Variants in SLC2A3 observed in about 807,000 individuals in gnomAD.
SLC2A3 encodes the protein solute carrier family 2, facilitated glucose transporter member 3.
In SLC2A3, 21 loss-of-function variants were observed where a neutral mutation model predicts 46.4. The ratio of observed to expected loss-of-function variants is 0.45; its 90% CI spans 0.32 to 0.65. The LOEUF (loss-of-function observed/expected upper bound fraction) is 0.65, where lower values mean the gene tolerates loss of function less well. SLC2A3 is among the 30% of genes least tolerant of loss of function. SLC2A3 has a pLI of 0.04. For missense variants in SLC2A3, 499 were observed against 623.3 expected (o/e 0.80, Z 2.12); for synonymous variants, 213 against 239.4 (o/e 0.89, Z 1.02).
chr12:7,928,146 T>G (rs1265221232), intron 6 of SLC2A3, among the ~76,000 whole-genome samples: 1 of 150,982 alleles, frequency 6.6e-6, no homozygotes, highest in Non-Finnish European at 1.5e-5. Flanking sequence ...ACGCCTATAA[T>G]CCCAGCATTT....
Position 7,919,729 on chromosome 12 carries a change from A to C in SLC2A3, c.*1684T>G, listed in dbSNP as rs113786758. 0.029 allele frequency: 4,473 copies of C among 152,296 alleles called. 218 individuals are homozygous for C. Among genetic ancestry groups the C allele is most frequent in the African/African-American group, 0.1 (4,161 of 41,500 alleles). The allele number at this position is 152,296 out of a possible 1,614,324, so 9.4% of individuals were successfully genotyped here. Reference sequence around the variant, plus strand: ...TCCGGCCTCAGCTACGTGCATTTTTATTCAAAGGCTCCAGGAGCAGAGGGA... The same window carrying C: ...TCCGGCCTCAGCTACGTGCATTTTTCTTCAAAGGCTCCAGGAGCAGAGGGA... On this transcript the variant is annotated 3_prime_UTR_variant, in exon 10 of 10. Coordinates refer to ENST00000075120, the MANE Select transcript of SLC2A3 (RefSeq NM_006931.3).
At chr12:7,927,254 C>A (rs1198245401) in intron 6 of SLC2A3, among the ~76,000 whole-genome samples, 2 of 152,126 alleles carry the variant, frequency 1.3e-5, no homozygotes, top group African/African-American at 4.8e-5. Context: ...GAAATCTCAA[C>A]ATATTATATG....
In SLC2A3 at chr12:7,921,218, C is replaced by T; in HGVS notation, c.*195G>A. 1.8e-6 allele frequency: 2 copies of T among 1,142,176 alleles called. No individual in the cohort carries two copies. Among genetic ancestry groups the T allele is most frequent in the Middle Eastern group, 2.8e-4 (1 of 3,564 alleles). The allele number at this position is 1,142,176 out of a possible 1,614,324, so 70.8% of individuals were successfully genotyped here. ...GTCTCTCCTAAGCAGAAGAGGATGT[C>T]CAGGAAATAAAATTTAAAAAGCCAT... is the stretch of plus-strand genomic sequence containing the variant. On this transcript the variant is annotated 3_prime_UTR_variant, in exon 10 of 10. Transcript: ENST00000075120.
intron 2 of SLC2A3, 33 bp from the exon 3 acceptor site, chr12:7,933,180 CTG>C (rs766925336): frequency 6.2e-7 from 1 of 1,609,206 alleles, no homozygotes; most frequent in Non-Finnish European, 8.5e-7. Context: ...GAAGAACAGA[CTG>C]TTACAGTTGG....
In SLC2A3 at chr12:7,929,003, C is replaced by A. The variant is rs996576151; in HGVS notation, c.861+681G>T. ...ACAGCCTCTAACCCCTCATAAGAAG[C>A]ACTGCCACTTCAAATACAAATATCC... On this transcript the variant is annotated intron_variant, in intron 6 of 9. Transcript: ENST00000075120. Among the ~76,000 whole-genome samples the A allele has an allele frequency of 3.1e-4, 47 of 152,130 alleles. 1 individual carries two copies. The highest frequency in any genetic ancestry group is 2.0e-3 in the Admixed American group (30 of 15,278).
At chr12:7,932,958 C>G (rs767616390) in intron 3 of SLC2A3, 29 bp downstream of exon 3, 13 of 1,612,584 alleles carry the variant, frequency 8.1e-6, no homozygotes, top group Non-Finnish European at 1.1e-5. Context: ...TGGTAGAGCC[C>G]ACTTCCTTGC....
chr12:7,925,490 C>T (rs1049858190), intron 7 of SLC2A3: 9 of 196,942 alleles, frequency 4.6e-5, no homozygotes, highest in African/African-American at 1.2e-4. Flanking sequence ...GCACACCTCA[C>T]GGGGAAAAAT....
At chr12:7,930,921 G>A (rs773150242) in intron 4 of SLC2A3, among the ~76,000 whole-genome samples, 27 of 149,180 alleles carry the variant, frequency 1.8e-4, no homozygotes, top group Non-Finnish European at 3.3e-4. Context: ...CTCAGCCTCC[G>A]GAGTAGCTGG....
intron 9 of SLC2A3, among the ~76,000 whole-genome samples, chr12:7,922,519 T>C (rs1160094715): frequency 6.6e-6 from 1 of 152,146 alleles, no homozygotes; most frequent in Non-Finnish European, 1.5e-5. Context: ...TAGAGTGCAG[T>C]AACGCGATCT....
At chr12:7,935,904 C>G (rs1056478279) in intron 1 of SLC2A3, 116 bp downstream of exon 1, 1 of 864,816 alleles carries the variant, frequency 1.2e-6, no homozygotes, top group African/African-American at 1.7e-5. Flanking sequence ...AATGAAAAGG[C>G]CTTAAGATAG....
intron 6 of SLC2A3, among the ~76,000 whole-genome samples, chr12:7,929,327 G>C (rs570976189): frequency 1.1e-4 from 16 of 152,028 alleles, no homozygotes; most frequent in Non-Finnish European, 2.2e-4. Context: ...GCTAGCTTCC[G>C]TTGTGCCGCC....
At chr12:7,926,215 C>T (rs1361627540) in intron 6 of SLC2A3, among the ~76,000 whole-genome samples, 1 of 152,072 alleles carries the variant, frequency 6.6e-6, no homozygotes, top group Non-Finnish European at 1.5e-5. Context: ...CCTCAGCCTC[C>T]TGAGTAGCTG....
chr12:7,934,853 GCCCT>G, intron 1 of SLC2A3, among the ~76,000 whole-genome samples: 1 of 152,256 alleles, frequency 6.6e-6, no homozygotes, highest in East Asian at 1.9e-4. Flanking sequence ...ACCCCGGAGG[GCCCT>G]GCCAGTGCAA....
intron 1 of SLC2A3, among the ~76,000 whole-genome samples, chr12:7,935,786 G>C (rs768323587): frequency 2.0e-5 from 3 of 152,120 alleles, no homozygotes; most frequent in Non-Finnish European, 4.4e-5. Flanking sequence ...AAATAAACCT[G>C]AGAAGCAAAC....
In SLC2A3 at chr12:7,934,133, G is replaced by A. The variant is rs1207567404; in HGVS notation, c.16-231C>T. On this transcript the variant is annotated intron_variant, in intron 1 of 9. Transcript: ENST00000075120. Reference sequence around the variant, plus strand: ...CTTGGTAAAAATGAAAGAAAATTGGGGAAGGAAGAAGTTAAGAGAAACTGG... The same window carrying A: ...CTTGGTAAAAATGAAAGAAAATTGGAGAAGGAAGAAGTTAAGAGAAACTGG... Among the ~76,000 whole-genome samples the A allele has an allele frequency of 4.6e-5, 7 of 151,970 alleles. 1 individual carries two copies. Among genetic ancestry groups the A allele is most frequent in the African/African-American group, 9.7e-5 (4 of 41,358 alleles).
chr12:7,926,863 A>G (rs980957879), intron 6 of SLC2A3, among the ~76,000 whole-genome samples: 1 of 152,124 alleles, frequency 6.6e-6, no homozygotes, highest in East Asian at 1.9e-4. Flanking sequence ...TTTAATATAT[A>G]TTAAATAAAT....
intron 1 of SLC2A3, among the ~76,000 whole-genome samples, chr12:7,934,228 T>C (rs757156623): frequency 6.6e-6 from 1 of 152,066 alleles, no homozygotes; most frequent in Non-Finnish European, 1.5e-5. Flanking sequence ...ACTCACGAAC[T>C]GGGAGGGCAG....
chr12:7,931,395 C>G lies in SLC2A3; in HGVS notation c.360G>C (p.Leu120=), dbSNP rs781076657. 19 of 1,614,012 alleles carry G rather than the reference C, an allele frequency of 1.2e-5. No individual in the cohort carries two copies. The highest frequency in any genetic ancestry group is 4.5e-5 in the East Asian group (2 of 44,890). The stretch of plus-strand genomic sequence containing the variant: ...GGCCAATAACCAAGCGACCCAGGAT[C>G]AGCATTTCAACCGACTTAGCTACTT... ...LCKVAKSVEM[L]ILGRLVIGLF... The change falls in exon 4 of 10, where the codon CTG becomes CTC. Residue 120 remains leucine (L), a synonymous_variant. Transcript: ENST00000075120.
intron 9 of SLC2A3, among the ~76,000 whole-genome samples, chr12:7,922,442 A>C (rs1433992537): frequency 7.0e-6 from 1 of 141,926 alleles, no homozygotes; most frequent in Non-Finnish European, 1.6e-5. Flanking sequence ...CTGAAACTGA[A>C]GAAGAGGAGG....
Sources: allele counts gnomAD v4.1 joint callset (sites outside exome capture counted in the v4.1 genomes callset), GRCh38; gene constraint gnomAD v4.1.1; transcripts MANE v1.5; gene names NCBI Gene and HGNC (gene_info 2026-07-23, HGNC 2026-07-21).